SPATA17: variants seen among roughly 807,000 people sequenced by gnomAD.
SPATA17 encodes the protein spermatogenesis-associated protein 17.
Under a neutral mutation model 62.2 loss-of-function variants are expected in SPATA17, and 53 were observed. The observed-to-expected ratio is 0.85, with a 90% CI of 0.68 to 1.07. The LOEUF (loss-of-function observed/expected upper bound fraction) is 1.07. Among genes scored for constraint, SPATA17 ranks in the 50% least tolerant of loss-of-function variants. The pLI is 0.00. For missense variants in SPATA17, 466 were observed against 425.5 expected (o/e 1.10, Z -0.84); for synonymous variants, 146 against 146.8 (o/e 0.99, Z 0.04).
At chr1:217,654,996 C>T (rs1481680158) in intron 3 of SPATA17, among the ~76,000 whole-genome samples, 1 of 152,150 alleles carries the variant, frequency 6.6e-6, no homozygotes, top group Non-Finnish European at 1.5e-5. Context: ...AGGCGTGAGC[C>T]ACCGCACCCA....
chr1:217,707,024 GC>G (rs1671752956), intron 5 of SPATA17, among the ~76,000 whole-genome samples: 1 of 151,902 alleles, frequency 6.6e-6, no homozygotes, highest in Admixed American at 6.6e-5. Flanking sequence ...GTGCTACCAT[GC>G]CCAGCTAATT....
chr1:217,813,851 A>G (rs1674654005), intron 9 of SPATA17, among the ~76,000 whole-genome samples: 2 of 152,066 alleles, frequency 1.3e-5, no homozygotes, highest in Non-Finnish European at 2.9e-5. Flanking sequence ...CTAGTCTACT[A>G]TGCATTTCAG....
chr1:217,674,509 C>T (rs1308549364), intron 4 of SPATA17, among the ~76,000 whole-genome samples: 2 of 152,112 alleles, frequency 1.3e-5, no homozygotes, highest in African/African-American at 2.4e-5. Context: ...TGTGTGTGAG[C>T]AAGTGAGTGC....
At chr1:217,794,976 A>G (rs1053021365) in intron 8 of SPATA17, among the ~76,000 whole-genome samples, 3 of 152,190 alleles carry the variant, frequency 2.0e-5, no homozygotes, top group Non-Finnish European at 4.4e-5. Context: ...AATGAAGTCA[A>G]TTATGATTTC....
intron 9 of SPATA17, among the ~76,000 whole-genome samples, chr1:217,839,160 A>G (rs779958353): frequency 4.2e-4 from 64 of 152,072 alleles, no homozygotes; most frequent in Non-Finnish European, 7.4e-4. Flanking sequence ...CTAATGCTAA[A>G]AGTAATGCAC....
intron 9 of SPATA17, among the ~76,000 whole-genome samples, chr1:217,849,613 T>G (rs1247940647): frequency 1.3e-5 from 2 of 152,138 alleles, no homozygotes; most frequent in Admixed American, 6.6e-5. Context: ...GTGAGTAGGA[T>G]GCTGTTCTCA....
At chr1:217,863,871 GTTA>G (rs1675947335) in intron 10 of SPATA17, among the ~76,000 whole-genome samples, 1 of 152,156 alleles carries the variant, frequency 6.6e-6, no homozygotes, top group African/African-American at 2.4e-5. Flanking sequence ...AATCATGCTA[GTTA>G]GAATCCCCCA....
chr1:217,848,457 T>C (rs1444699747), intron 9 of SPATA17, among the ~76,000 whole-genome samples: 1 of 152,176 alleles, frequency 6.6e-6, no homozygotes, highest in Admixed American at 6.5e-5. Flanking sequence ...ATGTAAAGAT[T>C]GTTTCTTATT....
At chr1:217,664,289 C>CTTTTTTT in intron 3 of SPATA17, among the ~76,000 whole-genome samples, 1 of 75,800 alleles carries the variant, frequency 1.3e-5, no homozygotes, top group Non-Finnish European at 2.5e-5. Context: ...TGTTAAAAAT[C>CTTTTTTT]TTTTTTTTTT....
intron 1 of SPATA17, among the ~76,000 whole-genome samples, chr1:217,638,620 G>C (rs1157477017): frequency 6.6e-6 from 1 of 152,130 alleles, no homozygotes; most frequent in Non-Finnish European, 1.5e-5. Context: ...TAAATAGGCA[G>C]ATAAACTTCA....
intron 8 of SPATA17, among the ~76,000 whole-genome samples, chr1:217,788,179 T>C (rs1344317615): frequency 6.6e-6 from 1 of 152,156 alleles, no homozygotes; most frequent in African/African-American, 2.4e-5. Flanking sequence ...TGTGCTATGA[T>C]ATGGGCTTCA....
rs542078958 is a variant in SPATA17, at chr1:217,865,591, G to T, written c.*3-1431G>T. ...TTCAATAGTTTCCCAAAAGCAGTTT[G>T]GTCTAAATCAGTGTGTTGTGTCCTG... On this transcript the variant is annotated intron_variant, in intron 10 of 10. Transcript: ENST00000366933. 2.6e-5 allele frequency among the ~76,000 whole-genome samples: 4 copies of T among 152,242 alleles called. No individual in the cohort carries two copies. In the East Asian group the frequency reaches 7.7e-4, roughly 29 times the overall value.
intron 7 of SPATA17, among the ~76,000 whole-genome samples, chr1:217,780,243 C>T (rs1176433987): frequency 3.9e-5 from 6 of 151,976 alleles, no homozygotes; most frequent in East Asian, 3.9e-4. Flanking sequence ...AAAAATTTGA[C>T]GTAAGAGAAA....
At chr1:217,819,072 A>G (rs1034253938) in intron 9 of SPATA17, among the ~76,000 whole-genome samples, 1 of 151,526 alleles carries the variant, frequency 6.6e-6, no homozygotes, top group Non-Finnish European at 1.5e-5. Flanking sequence ...GAGCTTTTAT[A>G]TAAACTATTT....
At chr1:217,658,069 C>T (rs1670481176) in intron 3 of SPATA17, among the ~76,000 whole-genome samples, 1 of 152,090 alleles carries the variant, frequency 6.6e-6, no homozygotes, top group Admixed American at 6.5e-5. Flanking sequence ...TCTGTCTGGC[C>T]CCACCCTTGA....
At chr1:217,792,039 T>A (rs909812026) in intron 8 of SPATA17, among the ~76,000 whole-genome samples, 1 of 152,060 alleles carries the variant, frequency 6.6e-6, no homozygotes, top group African/African-American at 2.4e-5. Context: ...GGGCCACACA[T>A]AAAATACACT....
Position 217,791,903 on chromosome 1 carries a change from T to C in SPATA17, c.872+9581T>C, listed in dbSNP as rs1042676081. Among the ~76,000 whole-genome samples the C allele has an allele frequency of 2.0e-5, 3 of 152,058 alleles. No homozygotes were observed. In the East Asian group the frequency reaches 5.8e-4, roughly 29 times the overall value. On this transcript the variant is annotated intron_variant, in intron 8 of 10. Coordinates refer to ENST00000366933, the MANE Select transcript of SPATA17 (RefSeq NM_138796.4). Reference sequence around the variant, plus strand: ...AGATGAAGAGGACTTGCCATAGAACTGAGACGTTGGTAATGGAGGGTAGAG... The same window carrying C: ...AGATGAAGAGGACTTGCCATAGAACCGAGACGTTGGTAATGGAGGGTAGAG...
chr1:217,755,619 AT>A (rs1460125946), intron 6 of SPATA17, among the ~76,000 whole-genome samples: 2 of 152,002 alleles, frequency 1.3e-5, no homozygotes, highest in African/African-American at 2.4e-5. Context: ...ATTCAGCAAT[AT>A]TTTCCATTAA....
intron 4 of SPATA17, among the ~76,000 whole-genome samples, chr1:217,671,061 C>G (rs1383951623): frequency 6.6e-6 from 1 of 151,990 alleles, no homozygotes; most frequent in Non-Finnish European, 1.5e-5. Flanking sequence ...AGTTACTCTT[C>G]CCTTGTATCA....
Sources: gnomAD v4.1 joint callset for allele counts (sites outside exome capture counted in the v4.1 genomes callset) on GRCh38, gnomAD v4.1.1 for gene constraint, MANE v1.5 for transcripts, NCBI Gene and HGNC (gene_info 2026-07-23, HGNC 2026-07-21) for gene names.